TLN2: variants seen among roughly 807,000 people sequenced by gnomAD.
The protein encoded by TLN2 is talin-2.
TLN2 carries 118 observed loss-of-function variants against 294.7 expected under a neutral mutation model. The observed-to-expected ratio is 0.40, with a 90% CI of 0.34 to 0.47. The LOEUF (loss-of-function observed/expected upper bound fraction) is 0.47. Among genes scored for constraint, TLN2 ranks in the 20% least tolerant of loss-of-function variants. The pLI is 0.84. For synonymous variants in TLN2, 1,431 were observed against 1,304.5 expected (o/e 1.10, Z -2.09); for missense variants, 3,083 against 3,282.2 (o/e 0.94, Z 1.48).
chr15:62,674,039 C>G, intron 10 of TLN2, 149 bp downstream of exon 10: 1 of 563,026 alleles, frequency 1.8e-6, no homozygotes, highest in Non-Finnish European at 3.1e-6. Context: ...TAGAAGCTGA[C>G]AGTCCTACTT....
chr15:62,815,229 A>ACACACT (rs2067020753), intron 52 of TLN2, among the ~76,000 whole-genome samples: 2 of 121,860 alleles, frequency 1.6e-5, no homozygotes, highest in African/African-American at 6.3e-5. Context: ...ACACACACAC[A>ACACACT]CACTCACTCG....
At chr15:62,627,561 T>C (rs1326302178) in intron 3 of TLN2, among the ~76,000 whole-genome samples, 1 of 152,236 alleles carries the variant, frequency 6.6e-6, no homozygotes, top group Non-Finnish European at 1.5e-5. Context: ...TTGTGCTTCC[T>C]AGAGGCTAAC....
intron 28 of TLN2, among the ~76,000 whole-genome samples, chr15:62,734,621 G>C (rs1472963147): frequency 6.6e-6 from 1 of 152,114 alleles, no homozygotes; most frequent in African/African-American, 2.4e-5. Context: ...TTTCTCTTCT[G>C]GGCTTCTCCT....
At chr15:62,553,503 A>T (rs1331781849) in intron 1 of TLN2, among the ~76,000 whole-genome samples, 1 of 152,214 alleles carries the variant, frequency 6.6e-6, no homozygotes, top group East Asian at 1.9e-4. Context: ...GAAAAAAAAA[A>T]TGGCAAAATT....
At chr15:62,752,859 C>T (rs1409238557) in intron 35 of TLN2, among the ~76,000 whole-genome samples, 2 of 152,090 alleles carry the variant, frequency 1.3e-5, no homozygotes, top group Non-Finnish European at 2.9e-5. Flanking sequence ...ATGGCACATT[C>T]CTTGCCCTTC....
intron 48 of TLN2, 106 bp from the exon 49 acceptor site, chr15:62,800,260 CTT>C: frequency 6.6e-7 from 1 of 1,505,226 alleles, no homozygotes; most frequent in Non-Finnish European, 8.9e-7. Context: ...TTCAGACTGT[CTT>C]TCTCTCCTCC....
intron 28 of TLN2, among the ~76,000 whole-genome samples, chr15:62,728,328 C>G (rs2060544901): frequency 6.6e-6 from 1 of 152,170 alleles, no homozygotes. Flanking sequence ...TCCATTATCT[C>G]TATGGTATTA....
chr15:62,729,926 T>G (rs963516059), intron 28 of TLN2, among the ~76,000 whole-genome samples: 3 of 152,182 alleles, frequency 2.0e-5, no homozygotes, highest in Non-Finnish European at 4.4e-5. Flanking sequence ...TCTTTTATGA[T>G]TTCTTTAAAT....
chr15:62,631,650 C>T (rs368140928), intron 3 of TLN2, among the ~76,000 whole-genome samples: 206 of 140,068 alleles, frequency 1.5e-3, no homozygotes, highest in Non-Finnish European at 2.4e-3. Flanking sequence ...TCTTTCTTTC[C>T]TTCTTTTTCT....
chr15:62,827,692 A>T (rs1301164041), intron 54 of TLN2: 1 of 152,202 alleles, frequency 6.6e-6, no homozygotes, highest in African/African-American at 2.4e-5. Context: ...AAGAATTTTT[A>T]TTGGAATTAT....
In TLN2 at chr15:62,841,977, C is replaced by CTCTG. The variant is rs1007797618; in HGVS notation, c.*1370_*1371insGTCT. 1.3e-5 allele frequency: 2 copies of CTCTG among 151,984 alleles called. No homozygotes were observed. Among genetic ancestry groups the CTCTG allele is most frequent in the African/African-American group, 4.8e-5 (2 of 41,340 alleles). The allele number at this position is 151,984 out of a possible 1,614,324, so 9.4% of individuals were successfully genotyped here. On this transcript the variant is annotated 3_prime_UTR_variant, in exon 59 of 59. Transcript: ENST00000636159. ...GCACTCACCCTCCGCCTCTCTCTCTCTCTCTCTCTCTGGTGTGCTATCATG... is the reference window on the plus strand; with the variant it reads ...GCACTCACCCTCCGCCTCTCTCTCTCTCTGTCTCTCTCTCTGGTGTGCTATCATG...
At chr15:62,619,645 C>G (rs1443040101) in intron 3 of TLN2, among the ~76,000 whole-genome samples, 2 of 152,172 alleles carry the variant, frequency 1.3e-5, no homozygotes, top group African/African-American at 4.8e-5. Context: ...GGCCCTGAAT[C>G]TGATGACTGG....
chr15:62,770,975 G>A lies in TLN2; in HGVS notation c.5208G>A (p.Leu1736=), dbSNP rs1434405508. 6.4e-7 allele frequency: 1 copy of A among 1,573,528 alleles called. No individual in the cohort carries two copies. The highest frequency in any genetic ancestry group is 8.6e-7 in the Non-Finnish European group (1 of 1,166,396). The change falls in exon 42 of 59, where the codon CTG becomes CTA. Residue 1736 remains leucine, a synonymous_variant. Coordinates refer to ENST00000636159, the MANE Select transcript of TLN2 (RefSeq NM_015059.3). ...AAQLGHKVTQ[L]ASYFEPLILA... ...TTTTTTTTTGAAAGGTGACACAACT[G>A]GCAAGCTATTTTGAGCCCTTGATCT...
intron 1 of TLN2, among the ~76,000 whole-genome samples, chr15:62,510,851 G>A (rs373085640): frequency 6.6e-6 from 1 of 152,356 alleles, no homozygotes; most frequent in East Asian, 1.9e-4. Context: ...AGAGAATCCA[G>A]TTACGTGCTA....
chr15:62,635,036 A>T (rs1404553484), intron 3 of TLN2, among the ~76,000 whole-genome samples: 1 of 152,222 alleles, frequency 6.6e-6, no homozygotes, highest in Non-Finnish European at 1.5e-5. Context: ...TTGCAGCTTG[A>T]GCCCTGGATG....
At chr15:62,571,239 G>A (rs1215554745) in intron 1 of TLN2, among the ~76,000 whole-genome samples, 1 of 152,200 alleles carries the variant, frequency 6.6e-6, no homozygotes, top group Non-Finnish European at 1.5e-5. Context: ...CAGCCAGGCA[G>A]CAAAGCATGA....
At chr15:62,589,118 T>C (rs2045889042) in intron 1 of TLN2, among the ~76,000 whole-genome samples, 1 of 152,072 alleles carries the variant, frequency 6.6e-6, no homozygotes, top group Non-Finnish European at 1.5e-5. Context: ...GCCTGTTCCT[T>C]TACTGTGGCT....
intron 1 of TLN2, among the ~76,000 whole-genome samples, chr15:62,543,419 G>T (rs1029687126): frequency 1.3e-5 from 2 of 152,152 alleles, no homozygotes; most frequent in African/African-American, 2.4e-5. Context: ...AGGGCTTATT[G>T]ACTAGTAGAA....
Position 62,753,701 on chromosome 15 carries a change from C to T in TLN2, c.4333-72C>T, listed in dbSNP as rs2062064363. ...GAGTGTGACAGCTGCATGTGTAGTG[C>T]GGACCATCATCCCCAGCAGGCTCAC... On this transcript the variant is annotated intron_variant, in intron 35 of 58. Coordinates refer to ENST00000636159, the MANE Select transcript of TLN2 (RefSeq NM_015059.3). 1.6e-5 allele frequency: 25 copies of T among 1,518,836 alleles called. No homozygotes were observed. The South Asian group carries it at 1.9e-4, about 11-fold the overall frequency. 94.1% of individuals were successfully genotyped at this position (1,518,836 alleles called of 1,614,324 possible). A position where few individuals can be genotyped will look rare whatever the true frequency, so the allele number is the denominator to read the frequency against.
Sources: gnomAD v4.1 joint callset for allele counts (sites outside exome capture counted in the v4.1 genomes callset) on GRCh38, gnomAD v4.1.1 for gene constraint, MANE v1.5 for transcripts, NCBI Gene and HGNC (gene_info 2026-07-23, HGNC 2026-07-21) for gene names.